PTPRM: variants seen among roughly 807,000 people sequenced by gnomAD.
PTPRM encodes the protein receptor-type tyrosine-protein phosphatase mu.
PTPRM carries 47 observed loss-of-function variants against 186.7 expected under a neutral mutation model. The observed-to-expected ratio is 0.25, with a 90% CI of 0.20 to 0.32. The LOEUF (loss-of-function observed/expected upper bound fraction) is 0.32, where lower values mean the gene tolerates loss of function less well. Ranked by LOEUF, PTPRM falls within the 10% of genes least tolerant of loss-of-function variation. The probability of loss-of-function intolerance (pLI) is 1.00; values close to 1 mark genes in which losing one functional copy is unlikely to be tolerated. For synonymous variants in PTPRM, 668 were observed against 674.9 expected, an observed-to-expected ratio of 0.99 and a Z score of 0.16; for missense variants, 1,494 against 1,865.0, an observed-to-expected ratio of 0.80 and a Z score of 3.66.
chr18:7,954,984 A>T, intron 6 of PTPRM, 137 bp from the exon 7 acceptor site: 2 of 891,930 alleles, frequency 2.2e-6, no homozygotes, highest in Non-Finnish European at 3.3e-6. Context: ...TTTTCTTGTT[A>T]ACCCAAACAA....
intron 31 of PTPRM, among the ~76,000 whole-genome samples, chr18:8,387,757 CG>C (rs1035021579): frequency 5.0e-5 from 4 of 79,982 alleles, no homozygotes; most frequent in African/African-American, 1.9e-4. Context: ...TGCGTGTGTG[CG>C]TGTGTGTGCG....
chr18:7,670,748 G>A (rs1025342508), intron 1 of PTPRM, among the ~76,000 whole-genome samples: 8 of 152,156 alleles, frequency 5.3e-5, no homozygotes, highest in Admixed American at 4.6e-4. Flanking sequence ...ATATATAGGA[G>A]TTATATCTTA....
intron 2 of PTPRM, among the ~76,000 whole-genome samples, chr18:7,793,140 G>A (rs1325638119): frequency 1.3e-5 from 2 of 152,046 alleles, no homozygotes; most frequent in Admixed American, 6.5e-5. Flanking sequence ...CATTTGGCTT[G>A]TACATTTTAT....
intron 5 of PTPRM, among the ~76,000 whole-genome samples, chr18:7,942,733 T>C (rs1187421205): frequency 6.6e-6 from 1 of 152,132 alleles, no homozygotes; most frequent in East Asian, 1.9e-4. Context: ...TATGCCAAGG[T>C]GCCATATTTT....
intron 14 of PTPRM, among the ~76,000 whole-genome samples, chr18:8,171,743 C>G (rs1387058870): frequency 6.6e-6 from 1 of 152,036 alleles, no homozygotes; most frequent in Non-Finnish European, 1.5e-5. Flanking sequence ...TACAGATGCT[C>G]CTGGACTTTT....
intron 11 of PTPRM, among the ~76,000 whole-genome samples, chr18:8,103,235 A>G (rs1335504962): frequency 6.6e-6 from 1 of 152,194 alleles, no homozygotes; most frequent in Non-Finnish European, 1.5e-5. Context: ...CCGTAACACA[A>G]GAGTCAGCCT....
chr18:8,176,159 C>G (rs1011797116), intron 14 of PTPRM, among the ~76,000 whole-genome samples: 1 of 151,886 alleles, frequency 6.6e-6, no homozygotes, highest in Admixed American at 6.6e-5. Flanking sequence ...AAAATTCATC[C>G]AGTATTTGGA....
chr18:7,996,634 G>A (rs1396922810), intron 7 of PTPRM, among the ~76,000 whole-genome samples: 1 of 151,994 alleles, frequency 6.6e-6, no homozygotes, highest in Non-Finnish European at 1.5e-5. Flanking sequence ...CTTATATTTA[G>A]AAATACCTTA....
chr18:7,975,846 A>G (rs536753729), intron 7 of PTPRM, among the ~76,000 whole-genome samples: 1 of 152,274 alleles, frequency 6.6e-6, no homozygotes, highest in Admixed American at 6.5e-5. Context: ...TCACACAATG[A>G]TGAAATCACC....
At chr18:8,257,923 T>A (rs547364868) in intron 19 of PTPRM, among the ~76,000 whole-genome samples, 346 of 152,304 alleles carry the variant, frequency 2.3e-3, no homozygotes, top group African/African-American at 8.0e-3. Flanking sequence ...CAGAAGTATG[T>A]CCGAACAAGA....
intron 32 of PTPRM, chr18:8,403,229 C>T (rs575531102): frequency 4.6e-5 from 7 of 152,254 alleles, no homozygotes; most frequent in Non-Finnish European, 2.9e-5. Flanking sequence ...CCACCTGAGT[C>T]CTTCACAGAC....
chr18:8,269,355 C>G (rs994769027), intron 19 of PTPRM, among the ~76,000 whole-genome samples: 7 of 151,794 alleles, frequency 4.6e-5, no homozygotes, highest in Admixed American at 3.9e-4. Context: ...GATCTATACA[C>G]TGGAAACTAG....
At chr18:7,600,267 G>A (rs1361396391) in intron 1 of PTPRM, among the ~76,000 whole-genome samples, 2 of 152,220 alleles carry the variant, frequency 1.3e-5, no homozygotes, top group Non-Finnish European at 2.9e-5. Flanking sequence ...CCGGGGCTGA[G>A]AACAGTGACT....
intron 2 of PTPRM, among the ~76,000 whole-genome samples, chr18:7,803,186 A>G (rs2044063710): frequency 6.6e-6 from 1 of 152,236 alleles, no homozygotes. Context: ...AAAACTTCTT[A>G]TCTTACTGTT....
intron 2 of PTPRM, among the ~76,000 whole-genome samples, chr18:7,880,626 T>TAG (rs2048459617): frequency 6.6e-6 from 1 of 152,248 alleles, no homozygotes; most frequent in African/African-American, 2.4e-5. Context: ...TAAACATTTT[T>TAG]AGGGCGATGG....
At chr18:7,607,865 G>A (rs1468185728) in intron 1 of PTPRM, among the ~76,000 whole-genome samples, 1 of 152,194 alleles carries the variant, frequency 6.6e-6, no homozygotes, top group African/African-American at 2.4e-5. Context: ...CTTTTGCCCC[G>A]CTGTCTGATA....
At chr18:8,301,040 T>G (rs1351846225) in intron 20 of PTPRM, among the ~76,000 whole-genome samples, 1 of 152,210 alleles carries the variant, frequency 6.6e-6, no homozygotes, top group Non-Finnish European at 1.5e-5. Context: ...GAAAAGTCAG[T>G]TCCACTGCCT....
chr18:8,049,797 C>T (rs758675765), intron 7 of PTPRM, among the ~76,000 whole-genome samples: 14 of 151,782 alleles, frequency 9.2e-5, no homozygotes, highest in African/African-American at 3.4e-4. Context: ...CTGCAACCCC[C>T]GCCTCTCAGG....
chr18:8,076,104 T>C (rs1165617816), intron 8 of PTPRM, among the ~76,000 whole-genome samples: 2 of 152,134 alleles, frequency 1.3e-5, no homozygotes, highest in African/African-American at 2.4e-5. Flanking sequence ...TATTAATAAT[T>C]TTCCAAGGTG....
Sources: allele counts gnomAD v4.1 joint callset (sites outside exome capture counted in the v4.1 genomes callset), GRCh38; gene constraint gnomAD v4.1.1; transcripts MANE v1.5; gene names NCBI Gene and HGNC (gene_info 2026-07-23, HGNC 2026-07-21).